SOX6: variants seen among roughly 807,000 people sequenced by gnomAD.
The protein encoded by SOX6 is transcription factor SOX-6.
A neutral mutation model predicts 97.8 loss-of-function variants in SOX6; 11 were observed. That is an observed-to-expected ratio of 0.11 (90% CI 0.07 to 0.19). SOX6 has a LOEUF of 0.19. SOX6 is among the 10% of genes least tolerant of loss of function. The pLI, the probability that SOX6 is intolerant of heterozygous loss-of-function variation, is 1.00. For missense variants in SOX6, 810 were observed against 1,039.5 expected (o/e 0.78, Z 3.04); for synonymous variants, 360 against 371.4 (o/e 0.97, Z 0.35).
intron 10 of SOX6, among the ~76,000 whole-genome samples, chr11:16,053,740 T>A (rs1299403535): frequency 2.0e-5 from 3 of 152,154 alleles, no homozygotes; most frequent in Non-Finnish European, 4.4e-5. Context: ...TTTTTGATAC[T>A]TTCAGCAAAT....
chr11:16,170,236 A>G (rs1462120023), intron 6 of SOX6, among the ~76,000 whole-genome samples: 1 of 152,088 alleles, frequency 6.6e-6, no homozygotes, highest in Non-Finnish European at 1.5e-5. Flanking sequence ...AGCAATGTGT[A>G]TAAAACCTTT....
chr11:16,661,296 A>G lies in SOX6; in HGVS notation n.430-49036T>C, dbSNP rs145181277. Among the ~76,000 whole-genome samples, 1,198 of 152,252 alleles carry G rather than the reference A, an allele frequency of 7.9e-3. 14 individuals carry two copies. The highest frequency in any genetic ancestry group is 0.027 in the African/African-American group (1,142 of 41,550). ...TTCTTTTGATTTGTGTTAGTACGGT[A>G]TATCTTTATCTCCTTACTTTTAATT... On this transcript the variant is annotated intron_variant and non_coding_transcript_variant, in intron 3 of 5. Transcript: ENST00000524520.
intron 10 of SOX6, 120 bp from the exon 11 acceptor site, chr11:16,050,058 C>A (rs567232031): frequency 2.0e-6 from 2 of 1,025,218 alleles, no homozygotes; most frequent in Non-Finnish European, 1.5e-6. Context: ...ACAATAATAA[C>A]AAAAGAAGCT....
At chr11:16,637,913 CTTT>C (rs879508621) in intron 3 of SOX6, among the ~76,000 whole-genome samples, 1 of 137,534 alleles carries the variant, frequency 7.3e-6, no homozygotes, top group Non-Finnish European at 1.6e-5. Context: ...GGGTCTCATT[CTTT>C]TTTTTTTTTT....
chr11:16,141,068 T>A (rs1589967171), intron 6 of SOX6, among the ~76,000 whole-genome samples: 1 of 151,488 alleles, frequency 6.6e-6, no homozygotes, highest in East Asian at 2.0e-4. Flanking sequence ...GAGCCAAGAT[T>A]GCACTGCTGC....
At chr11:16,248,526 C>T (rs1853408705) in intron 3 of SOX6, among the ~76,000 whole-genome samples, 1 of 152,188 alleles carries the variant, frequency 6.6e-6, no homozygotes, top group South Asian at 2.1e-4. Flanking sequence ...TACTGTGCAC[C>T]CTCAGATCCT....
chr11:16,545,897 A>C (rs1344597729), intron 4 of SOX6, among the ~76,000 whole-genome samples: 1 of 152,210 alleles, frequency 6.6e-6, no homozygotes, highest in Admixed American at 6.6e-5. Context: ...GGCTGCAGTG[A>C]GCCATGATCA....
intron 3 of SOX6, among the ~76,000 whole-genome samples, chr11:16,646,590 G>A (rs1202750786): frequency 6.6e-6 from 1 of 151,820 alleles, no homozygotes; most frequent in Non-Finnish European, 1.5e-5. Context: ...AGTATACACT[G>A]AACCCAATTT....
chr11:16,142,748 T>C (rs1470723055), intron 6 of SOX6, among the ~76,000 whole-genome samples: 1 of 151,778 alleles, frequency 6.6e-6, no homozygotes, highest in Non-Finnish European at 1.5e-5. Context: ...ATAAAGGGTA[T>C]CAGTGATGGA....
intron 9 of SOX6, among the ~76,000 whole-genome samples, chr11:16,071,910 TAAA>T (rs71313436): frequency 1.5e-5 from 2 of 136,992 alleles, no homozygotes; most frequent in African/African-American, 2.7e-5. Flanking sequence ...CTAAGAAGAT[TAAA>T]AAAAAAAAAA....
intron 1 of SOX6, chr11:16,476,234 G>T (rs888095030): frequency 2.6e-5 from 4 of 151,930 alleles, no homozygotes; most frequent in Non-Finnish European, 5.9e-5. Flanking sequence ...AAATTCACAC[G>T]CACTAGGAGT....
rs1277109367 is a variant in SOX6, at chr11:15,968,619, C to T, written c.*4190G>A. 1.3e-5 allele frequency: 2 copies of T among 152,218 alleles called. No individual in the cohort carries two copies. Among genetic ancestry groups the T allele is most frequent in the Non-Finnish European group, 2.9e-5 (2 of 68,068 alleles). 9.4% of individuals were successfully genotyped at this position (152,218 alleles called of 1,614,324 possible). On this transcript the variant is annotated 3_prime_UTR_variant, in exon 16 of 16. Transcript: ENST00000683767. Reference sequence around the variant, plus strand: ...GGTGTACTCCGAAGAAGCAGCCTGGCTTCAGAAGGAAAAGAAAGCAGCCTT... The same window carrying T: ...GGTGTACTCCGAAGAAGCAGCCTGGTTTCAGAAGGAAAAGAAAGCAGCCTT...
At chr11:16,087,274 ATAC>A (rs1219050449) in intron 9 of SOX6, among the ~76,000 whole-genome samples, 7 of 152,172 alleles carry the variant, frequency 4.6e-5, no homozygotes, top group Non-Finnish European at 1.0e-4. Flanking sequence ...TATAATATTA[ATAC>A]TACTCATGTT....
intron 3 of SOX6, among the ~76,000 whole-genome samples, chr11:16,655,273 T>TA (rs1426149575): frequency 6.6e-6 from 1 of 152,140 alleles, no homozygotes; most frequent in Non-Finnish European, 1.5e-5. Flanking sequence ...ACAAGAGAAC[T>TA]AAGTGCCCAT....
intron 6 of SOX6, among the ~76,000 whole-genome samples, chr11:16,166,584 T>C (rs1850893382): frequency 1.3e-5 from 2 of 152,136 alleles, no homozygotes; most frequent in African/African-American, 4.8e-5. Context: ...TATGATCTTG[T>C]AGGAGGGACA....
chr11:16,555,312 G>A (rs1761944535), intron 4 of SOX6, among the ~76,000 whole-genome samples: 4 of 151,750 alleles, frequency 2.6e-5, no homozygotes, highest in Admixed American at 2.6e-4. Flanking sequence ...CCACTAATTA[G>A]CTGAACATCT....
At chr11:16,053,110 A>T (rs1847724982) in intron 10 of SOX6, among the ~76,000 whole-genome samples, 1 of 152,068 alleles carries the variant, frequency 6.6e-6, no homozygotes, top group African/African-American at 2.4e-5. Context: ...CTAAACTCTG[A>T]ACTCTGTCTC....
intron 1 of SOX6, among the ~76,000 whole-genome samples, chr11:16,450,335 A>C (rs961737759): frequency 4.6e-5 from 7 of 152,230 alleles, no homozygotes; most frequent in African/African-American, 1.7e-4. Flanking sequence ...GGAAGCATGC[A>C]TTAACAAATG....
chr11:16,121,170 C>T (rs1849481339), intron 6 of SOX6, among the ~76,000 whole-genome samples: 1 of 151,936 alleles, frequency 6.6e-6, no homozygotes, highest in East Asian at 1.9e-4. Context: ...AAAGTAATTA[C>T]TTTATTTCTT....
Sources: gnomAD v4.1 joint callset for allele counts (sites outside exome capture counted in the v4.1 genomes callset) on GRCh38, gnomAD v4.1.1 for gene constraint, MANE v1.5 for transcripts, NCBI Gene and HGNC (gene_info 2026-07-23, HGNC 2026-07-21) for gene names.